The following MAX variants were observed in gnomAD, a reference collection of about 807,000 sequenced individuals.
MAX encodes the protein protein max.
A neutral mutation model predicts 22.3 loss-of-function variants in MAX; 3 were observed. That is an observed-to-expected ratio of 0.13 (90% CI 0.06 to 0.35). MAX has a LOEUF of 0.35. Ranked by LOEUF, MAX falls within the 10% of genes least tolerant of loss-of-function variation. The pLI, the probability that MAX is intolerant of heterozygous loss-of-function variation, is 1.00. For missense variants in MAX, 119 were observed against 209.4 expected (o/e 0.57, Z 2.66); for synonymous variants, 72 against 77.7 (o/e 0.93, Z 0.39).
At chr14:65,080,564 A>G (rs933162527) in intron 3 of MAX, among the ~76,000 whole-genome samples, 6 of 150,126 alleles carry the variant, frequency 4.0e-5, no homozygotes, top group Admixed American at 6.6e-5. Context: ...CTTGTCATTA[A>G]TGGGTTCTGT....
In MAX at chr14:65,100,735, T is replaced by C. The variant is rs189958456; in HGVS notation, c.63+811A>G. 2.7e-3 allele frequency among the ~76,000 whole-genome samples: 409 copies of C among 152,346 alleles called. 2 individuals are homozygous for C. Among genetic ancestry groups the C allele is most frequent in the African/African-American group, 9.6e-3 (398 of 41,576 alleles). On this transcript the variant is annotated intron_variant, in intron 2 of 4. Transcript: ENST00000358664. ...CTCGCTGATTCTGATTTATTCTGTG[T>C]GTATTCTTTTTTCCCTCAAATCTAT...
intron 3 of MAX, among the ~76,000 whole-genome samples, chr14:65,016,853 C>T (rs966430268): frequency 6.6e-6 from 1 of 151,220 alleles, no homozygotes; most frequent in Non-Finnish European, 1.5e-5. Flanking sequence ...GCTTCCAGCA[C>T]TGGAAGGAGA....
chr14:65,066,522 C>T (rs537802602), intron 3 of MAX, among the ~76,000 whole-genome samples: 13 of 152,288 alleles, frequency 8.5e-5, no homozygotes, highest in African/African-American at 3.1e-4. Flanking sequence ...TTGCCCTCTG[C>T]TCCCCCTGAG....
intron 3 of MAX, chr14:65,053,393 G>T: frequency 1.2e-5 from 16 of 1,354,714 alleles, no homozygotes; most frequent in Non-Finnish European, 1.5e-5. Context: ...GGGGAGGAGA[G>T]AGCAGAGGGG....
At chr14:65,098,014 G>A (rs558929093) in intron 2 of MAX, among the ~76,000 whole-genome samples, 63 of 152,258 alleles carry the variant, frequency 4.1e-4, no homozygotes, top group Middle Eastern at 3.4e-3. Flanking sequence ...TCCAAACAGG[G>A]CCTCATACTA....
chr14:65,093,531 G>A lies in MAX; in HGVS notation c.171+177C>T, dbSNP rs58585229. On this transcript the variant is annotated intron_variant, in intron 3 of 4. Coordinates refer to ENST00000358664, the MANE Select transcript of MAX (RefSeq NM_002382.5). The surrounding 1 kb of genome is among the most constrained non-coding windows in gnomAD (Gnocchi z 4.4). ...ATTATATCTGACATATTTTGTTAAG[G>A]ATAAACTGGAGTACGTAAGGTGTGC... 5.3e-4 allele frequency: 337 copies of A among 636,106 alleles called. No homozygotes were observed. Among genetic ancestry groups the A allele is most frequent in the African/African-American group, 4.4e-3 (245 of 55,312 alleles). The allele number at this position is 636,106 out of a possible 1,614,324, so 39.4% of individuals were successfully genotyped here.
Position 65,032,783 on chromosome 14 carries a change from C to T in MAX, c.172-26499G>A. On this transcript the variant is annotated intron_variant, in intron 3 of 3. Transcript: ENST00000341653. This position sits in a 1 kb window ranked among gnomAD's most constrained non-coding sequence, Gnocchi z 5.0. ...GAAAAATAAAGAAAATGCAGAGGGA[C>T]TTGGAAGGAAATACAAAAATCACAG... is the stretch of plus-strand genomic sequence containing the variant. 7.6e-7 allele frequency: 1 copy of T among 1,311,864 alleles called. No homozygotes were observed. The allele number at this position is 1,311,864 out of a possible 1,614,324, so 81.3% of individuals were successfully genotyped here. A position where few individuals can be genotyped will look rare whatever the true frequency, so the allele number is the denominator to read the frequency against.
In MAX at chr14:65,054,469, G is replaced by T. The variant is rs944172230; in HGVS notation, c.171+39239C>A. The T allele has an allele frequency of 5.1e-6, 5 of 982,310 alleles. No individual in the cohort carries two copies. The highest frequency in any genetic ancestry group is 1.7e-5 in the South Asian group (1 of 59,926). The allele number at this position is 982,310 out of a possible 1,614,324, so 60.8% of individuals were successfully genotyped here. ...TGCCTCCTCTAGCCACATGGAGGAT[G>T]GGGGGGGACGTGTGATTGCACCAGT... On this transcript the variant is annotated intron_variant, in intron 3 of 3. Transcript: ENST00000341653. This position sits in a 1 kb window ranked among gnomAD's most constrained non-coding sequence, Gnocchi z 4.4.
rs1481846627 is a variant in MAX, at chr14:65,023,599, A to T, written c.172-17315T>A. Among the ~76,000 whole-genome samples, 1 of 152,174 alleles carries T rather than the reference A, an allele frequency of 6.6e-6. No homozygotes were observed. Among genetic ancestry groups the T allele is most frequent in the African/African-American group, 2.4e-5 (1 of 41,454 alleles). On this transcript the variant is annotated intron_variant, in intron 3 of 3. Transcript: ENST00000341653. This position sits in a 1 kb window ranked among gnomAD's most constrained non-coding sequence, Gnocchi z 4.1. ...CTATAAACATCTATACGTGTTCTATATTGGCCACTAGCCACAGTTAGTTGT... is the reference window on the plus strand; with the variant it reads ...CTATAAACATCTATACGTGTTCTATTTTGGCCACTAGCCACAGTTAGTTGT...
chr14:65,033,373 T>G (rs1195398333), intron 3 of MAX, among the ~76,000 whole-genome samples: 1 of 152,202 alleles, frequency 6.6e-6, no homozygotes, highest in East Asian at 1.9e-4. Context: ...ACACCAAATT[T>G]AGCATAGTGA....
At chr14:65,070,899 C>G (rs1037401486), downstream of MAX, among the ~76,000 whole-genome samples, 2 of 152,236 alleles carry the variant, frequency 1.3e-5, no homozygotes, top group Non-Finnish European at 2.9e-5. The surrounding 1 kb of genome is among the most constrained non-coding windows in gnomAD (Gnocchi z 4.4). Context: ...GAATGAAGAA[C>G]AGGGCAAAGT....
At chr14:65,059,790 A>T (rs2062818762) in intron 3 of MAX, among the ~76,000 whole-genome samples, 1 of 150,718 alleles carries the variant, frequency 6.6e-6, no homozygotes, top group African/African-American at 2.4e-5. Context: ...ATATATTTAA[A>T]TATGATCTGA....
Position 65,023,161 on chromosome 14 carries a change from T to G in MAX, c.172-16877A>C, listed in dbSNP as rs2061919087. On this transcript the variant is annotated intron_variant, in intron 3 of 3. Transcript: ENST00000341653. The surrounding 1 kb of genome is among the most constrained non-coding windows in gnomAD (Gnocchi z 4.1). ...CAACCTGGACTTCCCCAAGCTCAAG[T>G]GATCCTCCCACCTCAGCCTCCTGAG... Among the ~76,000 whole-genome samples, 1 of 152,194 alleles carries G rather than the reference T, an allele frequency of 6.6e-6. No homozygotes were observed. The highest frequency in any genetic ancestry group is 2.4e-5 in the African/African-American group (1 of 41,448).
At chr14:65,087,938 A>G (rs1032005857) in intron 3 of MAX, among the ~76,000 whole-genome samples, 9 of 152,174 alleles carry the variant, frequency 5.9e-5, no homozygotes, top group Admixed American at 5.2e-4. Context: ...GGTCTTTCCC[A>G]TGCTGTTCTC....
At chr14:65,048,865 G>T (rs886519650) in intron 3 of MAX, among the ~76,000 whole-genome samples, 26 of 152,004 alleles carry the variant, frequency 1.7e-4, no homozygotes, top group African/African-American at 5.8e-4. Context: ...AAACACAAAA[G>T]CCTGTAATCC....
intron 2 of MAX, among the ~76,000 whole-genome samples, chr14:65,096,576 A>C (rs891329129): frequency 6.6e-6 from 1 of 152,104 alleles, no homozygotes; most frequent in South Asian, 2.1e-4. Flanking sequence ...AGGCTTTATC[A>C]CTGCCTTGTT....
At chr14:65,072,630 A>G (rs1488195776), downstream of MAX, among the ~76,000 whole-genome samples, 2 of 152,224 alleles carry the variant, frequency 1.3e-5, no homozygotes, top group African/African-American at 4.8e-5. Context: ...TAGAGGGGTT[A>G]GAGCCCAGGA....
intron 2 of MAX, among the ~76,000 whole-genome samples, chr14:65,100,801 T>C (rs2063809832): frequency 6.6e-6 from 1 of 152,216 alleles, no homozygotes; most frequent in African/African-American, 2.4e-5. Context: ...TCCAAAGACA[T>C]GGAATTAGTG....
Position 65,027,532 on chromosome 14 carries a change from C to T in MAX, c.172-21248G>A, listed in dbSNP as rs2139573915. 6 of 1,614,178 alleles carry T rather than the reference C, an allele frequency of 3.7e-6. No homozygotes were observed. Among genetic ancestry groups the T allele is most frequent in the Non-Finnish European group, 4.2e-6 (5 of 1,180,048 alleles). On this transcript the variant is annotated intron_variant, in intron 3 of 3. Transcript: ENST00000341653. The surrounding 1 kb of genome is among the most constrained non-coding windows in gnomAD (Gnocchi z 5.7). ...ACCCGGTCAGTATCCACACCTTGCA[C>T]CCACATATGCAGCAGTCAATGCATT...
Sources: gnomAD v4.1 joint callset for allele counts (sites outside exome capture counted in the v4.1 genomes callset) on GRCh38, gnomAD v4.1.1 for gene constraint, Gnocchi (gnomAD v3.1) non-coding constraint, MANE v1.5 for transcripts, NCBI Gene and HGNC (gene_info 2026-07-23, HGNC 2026-07-21) for gene names.